The following KLHL22 variants were observed in gnomAD, a reference collection of about 807,000 sequenced individuals.
The protein encoded by KLHL22 is kelch like family member 22.
A neutral mutation model predicts 60.7 loss-of-function variants in KLHL22; 18 were observed. The ratio of observed to expected loss-of-function variants is 0.30; its 90% CI spans 0.20 to 0.44. KLHL22 has a LOEUF of 0.44. Among genes scored for constraint, KLHL22 ranks in the 20% least tolerant of loss-of-function variants. KLHL22 has a pLI of 1.00. For synonymous variants in KLHL22, 355 were observed against 354.5 expected (o/e 1.00, Z -0.01); for missense variants, 596 against 852.3 (o/e 0.70, Z 3.74).
At chr22:20,456,602 T>G (rs1445184459) in intron 5 of KLHL22, 2 of 152,318 alleles carry the variant, frequency 1.3e-5, no homozygotes, top group Non-Finnish European at 2.9e-5. Flanking sequence ...ATCTTCTCCA[T>G]GCAAAATCTG....
intron 2 of KLHL22, chr22:20,483,343 T>A: frequency 1.4e-6 from 1 of 736,820 alleles, no homozygotes; most frequent in Non-Finnish European, 2.5e-6. Context: ...CTCATCATAT[T>A]GAGCCTGGAT....
Position 20,451,646 on chromosome 22 carries a change from G to A in KLHL22, c.1306-4970C>T, listed in dbSNP as rs1261545535. 27 of 1,605,938 alleles carry A rather than the reference G, an allele frequency of 1.7e-5. No individual in the cohort carries two copies. The Admixed American group carries it at 4.0e-4, about 24-fold the overall frequency. ...ACTGCCACCAGTATGACCACTCCACGATGCTATGTAGGGGCCACAGTGCTT... is the reference window on the plus strand; with the variant it reads ...ACTGCCACCAGTATGACCACTCCACAATGCTATGTAGGGGCCACAGTGCTT... On this transcript the variant is annotated intron_variant, in intron 5 of 6. Transcript: ENST00000328879.
intron 2 of KLHL22, 174 bp downstream of exon 2, chr22:20,488,811 T>C: frequency 1.6e-6 from 1 of 609,578 alleles, no homozygotes; most frequent in Non-Finnish European, 2.9e-6. Flanking sequence ...GAATGAAAAA[T>C]GAACTCTAAG....
At chr22:20,470,955 G>C (rs1300936149) in intron 3 of KLHL22, among the ~76,000 whole-genome samples, 1 of 152,230 alleles carries the variant, frequency 6.6e-6, no homozygotes, top group Non-Finnish European at 1.5e-5. Context: ...AAGTGGCCCA[G>C]TGAGGGGACA....
At chr22:20,452,722 T>C (rs2052999337) in intron 5 of KLHL22, among the ~76,000 whole-genome samples, 1 of 152,212 alleles carries the variant, frequency 6.6e-6, no homozygotes, top group Admixed American at 6.5e-5. Flanking sequence ...AGTGTTAACC[T>C]TGAATGGGGG....
At position 20,495,752 on chromosome 22, in the gene KLHL22, C is replaced by T. The variant is rs576873198; in HGVS notation, c.-34+8G>A. 6.5e-3 allele frequency: 979 copies of T among 151,504 alleles called. 4 individuals carry two copies. Among genetic ancestry groups the T allele is most frequent in the Non-Finnish European group, 0.011 (730 of 67,644 alleles). 9.4% of individuals were successfully genotyped at this position (151,504 alleles called of 1,614,324 possible). Reference sequence around the variant, plus strand: ...CCCGGCCCGTTCGGCTCACGCCTCGCAGCTGACCTGGTGCCGCCGCCAGCC... The same window carrying T: ...CCCGGCCCGTTCGGCTCACGCCTCGTAGCTGACCTGGTGCCGCCGCCAGCC... On this transcript the variant is annotated splice_region_variant and intron_variant, in intron 1 of 6. Coordinates refer to ENST00000328879, the MANE Select transcript of KLHL22 (RefSeq NM_032775.4). The surrounding 1 kb of genome is among the most constrained non-coding windows in gnomAD (Gnocchi z 4.6).
chr22:20,480,804 T>G (rs2053486002), intron 2 of KLHL22, among the ~76,000 whole-genome samples: 1 of 150,528 alleles, frequency 6.6e-6, no homozygotes, highest in African/African-American at 2.4e-5. Flanking sequence ...GTGGGTTCCG[T>G]GGCTTAATGA....
At chr22:20,471,131 A>G (rs752758370) in intron 3 of KLHL22, among the ~76,000 whole-genome samples, 21 of 152,210 alleles carry the variant, frequency 1.4e-4, no homozygotes, top group Non-Finnish European at 2.4e-4. Context: ...GCAATAGAGA[A>G]GAGGGCAAAG....
At chr22:20,453,191 A>C (rs1230894133) in intron 5 of KLHL22, among the ~76,000 whole-genome samples, 2 of 152,042 alleles carry the variant, frequency 1.3e-5, no homozygotes, top group Non-Finnish European at 2.9e-5. Context: ...CTACAGAGTT[A>C]ATTTCTTTTG....
At chr22:20,466,323 G>A (rs573923834) in intron 3 of KLHL22, among the ~76,000 whole-genome samples, 45 of 144,220 alleles carry the variant, frequency 3.1e-4, no homozygotes, top group African/African-American at 1.1e-3. Context: ...GCAGTGAGCC[G>A]AGATCGCGCC....
intron 2 of KLHL22, among the ~76,000 whole-genome samples, chr22:20,476,572 C>T (rs2053417011): frequency 1.3e-5 from 2 of 151,082 alleles, no homozygotes; most frequent in African/African-American, 4.9e-5. Context: ...CGCCACGTCG[C>T]CCGGCTAATT....
At chr22:20,453,885 C>T (rs2053020462) in intron 5 of KLHL22, among the ~76,000 whole-genome samples, 3 of 151,840 alleles carry the variant, frequency 2.0e-5, no homozygotes, top group South Asian at 4.2e-4. Flanking sequence ...CAGGTGTGTG[C>T]CACCACACCC....
At chr22:20,494,277 T>C (rs1384041323) in intron 1 of KLHL22, among the ~76,000 whole-genome samples, 2 of 152,164 alleles carry the variant, frequency 1.3e-5, no homozygotes, top group Non-Finnish European at 2.9e-5. Context: ...GTGAGACAGC[T>C]TGGGGTTCAC....
At position 20,450,197 on chromosome 22, in the gene KLHL22, G is replaced by A. The variant is rs548832934; in HGVS notation, c.1306-3521C>T. On this transcript the variant is annotated intron_variant, in intron 5 of 6. Coordinates refer to ENST00000328879, the MANE Select transcript of KLHL22 (RefSeq NM_032775.4). Reference sequence around the variant, plus strand: ...ATCAATCCTCAGTTCAATGAACTCCGTTGGGAAGAGCAATACCTTCTGTGA... The same window carrying A: ...ATCAATCCTCAGTTCAATGAACTCCATTGGGAAGAGCAATACCTTCTGTGA... The A allele has an allele frequency of 6.8e-5, 55 of 804,586 alleles. No individual in the cohort carries two copies. In the East Asian group the frequency reaches 7.7e-4, roughly 11 times the overall value. The allele number at this position is 804,586 out of a possible 1,614,324, so 49.8% of individuals were successfully genotyped here. A position where few individuals can be genotyped will look rare whatever the true frequency, so the allele number is the denominator to read the frequency against.
intron 1 of KLHL22, among the ~76,000 whole-genome samples, chr22:20,490,143 A>C (rs938135217): frequency 3.3e-5 from 5 of 152,212 alleles, no homozygotes; most frequent in African/African-American, 1.2e-4. Context: ...CTCTGTAGGC[A>C]CAGCACAGTC....
In KLHL22 at chr22:20,457,942, C is replaced by T; in HGVS notation, c.1171G>A (p.Asp391Asn). The change falls in exon 5 of 7, where the codon GAC (aspartate) becomes AAC (asparagine). Residue 391 changes from aspartate (D) to asparagine (N), a missense_variant. Transcript: ENST00000328879. ...QIQSLQQEHA[D>N]LSVCVVGRYI... ...CTGCCTACAACACACACGGACAGGT[C>T]GGCGTGCTCCTGCTGCAGGGACTGG... 6.2e-7 allele frequency: 1 copy of T among 1,614,136 alleles called. No homozygotes were observed. Among genetic ancestry groups the T allele is most frequent in the African/African-American group, 1.3e-5 (1 of 75,042 alleles).
intron 3 of KLHL22, among the ~76,000 whole-genome samples, chr22:20,467,859 C>A (rs925739013): frequency 1.3e-4 from 20 of 152,280 alleles, no homozygotes; most frequent in African/African-American, 4.8e-4. Flanking sequence ...GGGGTTTCAT[C>A]GTGTTAGCCA....
At position 20,489,113 on chromosome 22, in the gene KLHL22, G is replaced by A. The variant is rs1324388656; in HGVS notation, c.99C>T (p.Ser33=). 6.2e-7 allele frequency: 1 copy of A among 1,614,126 alleles called. No homozygotes were observed. Among genetic ancestry groups the A allele is most frequent in the Non-Finnish European group, 8.5e-7 (1 of 1,180,040 alleles). The change falls in exon 2 of 7, where the codon TCC becomes TCT. Residue 33 remains serine, a synonymous_variant. Transcript: ENST00000328879. ...CCAGCAGCCCTCGGAGCAGAGCCTG[G>A]GAGTGCTGTGCGCTGCGGTAGGTGT... ...VNNTYRSAQH[S]QALLRGLLAL...
chr22:20,485,652 GAGGTC>G (rs761333990), intron 2 of KLHL22, among the ~76,000 whole-genome samples: 5 of 152,192 alleles, frequency 3.3e-5, no homozygotes, highest in Non-Finnish European at 7.3e-5. Context: ...CGGATCACCT[GAGGTC>G]AGGAGTTGGA....
Sources: gnomAD v4.1 joint callset for allele counts (sites outside exome capture counted in the v4.1 genomes callset) on GRCh38, gnomAD v4.1.1 for gene constraint, Gnocchi (gnomAD v3.1) non-coding constraint, MANE v1.5 for transcripts, NCBI Gene and HGNC (gene_info 2026-07-23, HGNC 2026-07-21) for gene names.